Variants in VPS53 observed in about 807,000 individuals in gnomAD.
VPS53 encodes VPS53 subunit of GARP complex.
Under a neutral mutation model 107.0 loss-of-function variants are expected in VPS53, and 70 were observed. The ratio of observed to expected loss-of-function variants is 0.65; its 90% CI spans 0.54 to 0.80. VPS53 has a LOEUF of 0.80. Ranked by LOEUF, VPS53 falls within the 30% of genes least tolerant of loss-of-function variation. The pLI is 0.00. For missense variants in VPS53, 917 were observed against 1,049.4 expected (o/e 0.87, Z 1.74); for synonymous variants, 409 against 393.3 (o/e 1.04, Z -0.47).
chr17:655,210 G>T (rs1319746151), intron 6 of VPS53, among the ~76,000 whole-genome samples: 1 of 152,158 alleles, frequency 6.6e-6, no homozygotes, highest in Non-Finnish European at 1.5e-5. Flanking sequence ...GCTAGTAAAG[G>T]AGGCTTTAGA....
At chr17:689,373 C>T (rs1363632266) in intron 4 of VPS53, among the ~76,000 whole-genome samples, 1 of 151,684 alleles carries the variant, frequency 6.6e-6, no homozygotes, top group African/African-American at 2.4e-5. Context: ...TCATAGACTG[C>T]TGTAACCTCA....
At chr17:708,039 T>C (rs1395827026) in intron 2 of VPS53, among the ~76,000 whole-genome samples, 1 of 152,122 alleles carries the variant, frequency 6.6e-6, no homozygotes, top group Non-Finnish European at 1.5e-5. Flanking sequence ...CTTGGTCCTG[T>C]GTTTAGAAGG....
intron 5 of VPS53, among the ~76,000 whole-genome samples, chr17:659,574 C>T (rs1301135521): frequency 6.6e-6 from 1 of 152,212 alleles, no homozygotes; most frequent in Admixed American, 6.5e-5. Flanking sequence ...AGCCACCGTG[C>T]CCGGCTGCAT....
chr17:698,459 A>T (rs1973065804), intron 3 of VPS53, among the ~76,000 whole-genome samples: 3 of 151,586 alleles, frequency 2.0e-5, no homozygotes, highest in Non-Finnish European at 4.4e-5. Context: ...AATCTAGTAG[A>T]TGTGGGAGAC....
chr17:656,712 G>C (rs1217960794), intron 5 of VPS53: 1 of 643,884 alleles, frequency 1.6e-6, no homozygotes, highest in Non-Finnish European at 2.7e-6. Flanking sequence ...GTGTGTGTGT[G>C]TGTGTGTGTG....
chr17:565,675 A>G (rs1287525793), intron 13 of VPS53, among the ~76,000 whole-genome samples: 1 of 151,842 alleles, frequency 6.6e-6, no homozygotes, highest in African/African-American at 2.4e-5. Flanking sequence ...GTTCCTCGCA[A>G]CAGCTCCCCT....
At chr17:663,809 G>A (rs1597458089) in intron 4 of VPS53, among the ~76,000 whole-genome samples, 2 of 150,040 alleles carry the variant, frequency 1.3e-5, no homozygotes, top group African/African-American at 4.9e-5. Flanking sequence ...TAGGCATTGG[G>A]AATCCAATGG....
At chr17:661,119 G>A (rs948099596) in intron 5 of VPS53, among the ~76,000 whole-genome samples, 1 of 151,922 alleles carries the variant, frequency 6.6e-6, no homozygotes, top group Admixed American at 6.6e-5. Context: ...AGCGTGCATC[G>A]AGCTACATAC....
intron 7 of VPS53, among the ~76,000 whole-genome samples, chr17:647,947 G>A (rs1024892646): frequency 3.3e-5 from 5 of 152,228 alleles, no homozygotes; most frequent in South Asian, 2.1e-4. Context: ...GGATGGGGCC[G>A]CTGTCCGTGT....
rs113776791 is a variant in VPS53 at position 545,484 on chromosome 17, G to C, written c.1866+6388C>G. Among the ~76,000 whole-genome samples, 35 of 152,282 alleles carry C rather than the reference G, an allele frequency of 2.3e-4. 1 individual carries two copies. Among genetic ancestry groups the C allele is most frequent in the African/African-American group, 5.8e-4 (24 of 41,558 alleles). On this transcript the variant is annotated intron_variant, in intron 17 of 21. Transcript: ENST00000437048. The stretch of plus-strand genomic sequence containing the variant: ...GACCTAAAGGTTTCAGGGATTCTAT[G>C]ACCCCACCGTCTCTCACAAAGTTGT...
intron 5 of VPS53, chr17:656,856 T>C (rs1379742360): frequency 6.3e-7 from 1 of 1,590,906 alleles, no homozygotes; most frequent in South Asian, 1.1e-5. Context: ...GTGAGGCGGA[T>C]ACCCTTTCCT....
intron 18 of VPS53, among the ~76,000 whole-genome samples, chr17:535,722 C>T (rs1023986481): frequency 6.6e-6 from 1 of 152,150 alleles, no homozygotes; most frequent in Non-Finnish European, 1.5e-5. Context: ...AATGAGCACC[C>T]AGAGAGTGAG....
At chr17:654,296 C>A (rs773794790) in intron 6 of VPS53, among the ~76,000 whole-genome samples, 2 of 152,146 alleles carry the variant, frequency 1.3e-5, no homozygotes, top group Non-Finnish European at 2.9e-5. Flanking sequence ...TTCCCTACTG[C>A]TAAGGTTAAT....
chr17:614,752 C>T (rs1241957977), intron 11 of VPS53, among the ~76,000 whole-genome samples: 2 of 152,170 alleles, frequency 1.3e-5, no homozygotes, highest in Non-Finnish European at 2.9e-5. Context: ...AACGCTCTTA[C>T]ACTCAAATTC....
At chr17:702,959 A>T (rs923829311) in intron 2 of VPS53, among the ~76,000 whole-genome samples, 8 of 152,192 alleles carry the variant, frequency 5.3e-5, no homozygotes, top group African/African-American at 1.4e-4. Flanking sequence ...TAATCCCAAC[A>T]CTTTGGGAGG....
chr17:703,734 G>T (rs758137721), intron 2 of VPS53, among the ~76,000 whole-genome samples: 5 of 151,938 alleles, frequency 3.3e-5, no homozygotes, highest in Non-Finnish European at 5.9e-5. Context: ...GAATTTTTGC[G>T]TATTGCCTTC....
At chr17:573,831 A>G (rs764868312) in intron 13 of VPS53, among the ~76,000 whole-genome samples, 52 of 152,128 alleles carry the variant, frequency 3.4e-4, no homozygotes, top group Non-Finnish European at 5.9e-4. Flanking sequence ...GGAAGTTATG[A>G]ATGGTCTCAT....
intron 18 of VPS53, among the ~76,000 whole-genome samples, chr17:536,015 T>C (rs1318592361): frequency 1.3e-5 from 2 of 152,086 alleles, no homozygotes; most frequent in Admixed American, 1.3e-4. Flanking sequence ...CCCTGAGAAG[T>C]CTGCCAAAAT....
At position 524,351 on chromosome 17, in the gene VPS53, T is replaced by C. The variant is rs1476808236; in HGVS notation, c.2086-2613A>G. On this transcript the variant is annotated intron_variant, in intron 19 of 21. Transcript: ENST00000437048. The surrounding 1 kb of genome is among the most constrained non-coding windows in gnomAD (Gnocchi z 4.5). ...AGAGATTATTTTCATTGCTTATGGG[T>C]GGAGAAGAATGTCAAACATCAGAAA... Among the ~76,000 whole-genome samples, 1 of 151,826 alleles carries C rather than the reference T, an allele frequency of 6.6e-6. No individual in the cohort carries two copies. The highest frequency in any genetic ancestry group is 1.5e-5 in the Non-Finnish European group (1 of 67,904).
Sources: gnomAD v4.1 joint callset for allele counts (sites outside exome capture counted in the v4.1 genomes callset) on GRCh38, gnomAD v4.1.1 for gene constraint, Gnocchi (gnomAD v3.1) non-coding constraint, MANE v1.5 for transcripts, NCBI Gene and HGNC (gene_info 2026-07-23, HGNC 2026-07-21) for gene names.